Variants in DOCK1 observed in about 807,000 individuals in gnomAD.
DOCK1 encodes the protein dedicator of cytokinesis protein 1.
A neutral mutation model predicts 262.7 loss-of-function variants in DOCK1; 138 were observed. That is an observed-to-expected ratio of 0.53 (90% confidence interval 0.46 to 0.61). The LOEUF is 0.61. DOCK1 is among the 20% of genes least tolerant of loss of function. The probability of loss-of-function intolerance (pLI) is 0.00; values close to 1 mark genes in which losing one functional copy is unlikely to be tolerated. For missense variants in DOCK1, 1,908 were observed against 2,370.7 expected (o/e 0.80, Z 4.05); for synonymous variants, 866 against 867.4 (o/e 1.00, Z 0.03).
chr10:127,339,652 CGCGCGCAT>C (rs2063342123), intron 30 of DOCK1, among the ~76,000 whole-genome samples: 1 of 137,762 alleles, frequency 7.3e-6, no homozygotes, highest in African/African-American at 2.9e-5. Flanking sequence ...TGTGTGTGCG[CGCGCGCAT>C]GCATGCTGTA....
chr10:127,172,841 C>A (rs2054704421), intron 27 of DOCK1, among the ~76,000 whole-genome samples: 1 of 152,286 alleles, frequency 6.6e-6, no homozygotes, highest in East Asian at 1.9e-4. Flanking sequence ...TTCTGGGATA[C>A]CGGAGTGAAT....
intron 29 of DOCK1, among the ~76,000 whole-genome samples, chr10:127,283,864 A>T (rs1032360059): frequency 1.3e-5 from 2 of 152,190 alleles, no homozygotes; most frequent in African/African-American, 4.8e-5. Flanking sequence ...TATGGTTTCT[A>T]TATTTTGCAT....
intron 27 of DOCK1, among the ~76,000 whole-genome samples, chr10:127,233,167 A>G (rs750794849): frequency 9.2e-5 from 14 of 152,198 alleles, no homozygotes; most frequent in Non-Finnish European, 2.1e-4. Flanking sequence ...ATCTCTATAA[A>G]CCAATGTTTT....
At chr10:127,094,057 C>T (rs560934252) in intron 23 of DOCK1, among the ~76,000 whole-genome samples, 1 of 152,154 alleles carries the variant, frequency 6.6e-6, no homozygotes, top group South Asian at 2.1e-4. Flanking sequence ...AAGTTCCTAC[C>T]TCTTTGCCTG....
rs2035791724 is a variant in DOCK1, at chr10:126,948,418, G to T, written c.47-22284G>T. Among the ~76,000 whole-genome samples the T allele has an allele frequency of 1.5e-5, 2 of 129,134 alleles. 1 individual carries two copies. Among genetic ancestry groups the T allele is most frequent in the Non-Finnish European group, 3.4e-5 (2 of 58,192 alleles). The allele number at this position is 129,134 out of a possible 152,430, so 84.7% of individuals were successfully genotyped here. On this transcript the variant is annotated intron_variant, in intron 1 of 51. Transcript: ENST00000623213. ...GGTTGGTAGTATTACTGTTGGTGGT[G>T]ATGGTGGTGGTGGTGGTAATACTGC...
intron 29 of DOCK1, among the ~76,000 whole-genome samples, chr10:127,264,006 C>T (rs1024180496): frequency 3.3e-5 from 5 of 152,190 alleles, no homozygotes; most frequent in African/African-American, 1.2e-4. Context: ...TTCTTATTAA[C>T]TGCTTTACTT....
At chr10:127,416,986 G>T (rs2068196172) in intron 44 of DOCK1, among the ~76,000 whole-genome samples, 1 of 152,162 alleles carries the variant, frequency 6.6e-6, no homozygotes, top group Admixed American at 6.5e-5. Flanking sequence ...ACATCAGTGG[G>T]CAGACAACCT....
At chr10:127,089,110 C>G (rs1564794301) in intron 23 of DOCK1, among the ~76,000 whole-genome samples, 1 of 152,220 alleles carries the variant, frequency 6.6e-6, no homozygotes, top group Admixed American at 6.5e-5. Context: ...CACCTCGGCT[C>G]TGCCATCCTT....
intron 31 of DOCK1, chr10:127,344,061 T>C (rs1813200633): frequency 7.9e-6 from 2 of 252,034 alleles, no homozygotes; most frequent in Non-Finnish European, 1.5e-5. Flanking sequence ...GTTGACTTTA[T>C]TGCTTAATTC....
rs893824749 is a variant in DOCK1, at chr10:127,451,931, C to T, written c.*504C>T. 5 of 158,614 alleles carry T rather than the reference C, an allele frequency of 3.2e-5. No individual in the cohort carries two copies. Among genetic ancestry groups the T allele is most frequent in the African/African-American group, 1.2e-4 (5 of 41,580 alleles). The allele number at this position is 158,614 out of a possible 1,614,324, so 9.8% of individuals were successfully genotyped here. A position where few individuals can be genotyped will look rare whatever the true frequency, so the allele number is the denominator to read the frequency against. ...TTGGTTGAGGTGTGTCTCCAACCTA[C>T]ATCAGACCATGAAGTTCAACCCCTC... On this transcript the variant is annotated 3_prime_UTR_variant, in exon 52 of 52. Coordinates refer to ENST00000623213, the MANE Select transcript of DOCK1 (RefSeq NM_001290223.2).
At chr10:127,130,271 A>T (rs1770387) in intron 27 of DOCK1, among the ~76,000 whole-genome samples, 2 of 151,234 alleles carry the variant, frequency 1.3e-5, no homozygotes, top group Admixed American at 1.3e-4. Flanking sequence ...TTTTTAGTAC[A>T]GTTGGGGTTT....
intron 29 of DOCK1, among the ~76,000 whole-genome samples, chr10:127,259,143 C>T (rs1326257488): frequency 9.9e-5 from 15 of 152,280 alleles, no homozygotes; most frequent in Non-Finnish European, 1.0e-4. Flanking sequence ...GAGGAAGCCC[C>T]GGAGACCCTG....
At chr10:127,404,472 C>G in intron 40 of DOCK1, 43 bp downstream of exon 40, 2 of 1,574,820 alleles carry the variant, frequency 1.3e-6, no homozygotes, top group East Asian at 4.5e-5. Context: ...ATTGTTCCCC[C>G]AGCAGAAAAT....
At chr10:127,074,739 AGTC>A (rs2046415702) in intron 23 of DOCK1, among the ~76,000 whole-genome samples, 2 of 152,254 alleles carry the variant, frequency 1.3e-5, no homozygotes, top group Non-Finnish European at 2.9e-5. Flanking sequence ...AAAGAACAGT[AGTC>A]CTCATTTGAT....
intron 13 of DOCK1, 98 bp from the exon 14 acceptor site, chr10:127,023,102 G>T: frequency 7.5e-7 from 1 of 1,330,086 alleles, no homozygotes; most frequent in Non-Finnish European, 1.0e-6. Context: ...ATATGTATTT[G>T]TAATAATCTA....
intron 18 of DOCK1, among the ~76,000 whole-genome samples, chr10:127,032,832 C>T (rs1180234567): frequency 6.6e-6 from 1 of 152,216 alleles, no homozygotes; most frequent in Non-Finnish European, 1.5e-5. Context: ...GCTGGGATTA[C>T]AGGCACGAGC....
chr10:127,137,880 G>A (rs1177882722), intron 27 of DOCK1: 1 of 1,614,026 alleles, frequency 6.2e-7, no homozygotes, highest in Non-Finnish European at 8.5e-7. Flanking sequence ...TTTAGATTCA[G>A]TTTTGGATTT....
chr10:127,447,373 A>C, intron 50 of DOCK1, 21 bp from the exon 51 acceptor site: 1 of 1,607,016 alleles, frequency 6.2e-7, no homozygotes, highest in Non-Finnish European at 8.5e-7. Flanking sequence ...GGCTGATTTT[A>C]AATAGATCCC....
chr10:127,405,437 A>C (rs981964246), intron 40 of DOCK1, among the ~76,000 whole-genome samples: 1 of 136,644 alleles, frequency 7.3e-6, no homozygotes, highest in Non-Finnish European at 1.5e-5. Flanking sequence ...GATATTTCTT[A>C]TGACTTTTTT....
Sources: allele counts gnomAD v4.1 joint callset (sites outside exome capture counted in the v4.1 genomes callset), GRCh38; gene constraint gnomAD v4.1.1; transcripts MANE v1.5; gene names NCBI Gene and HGNC (gene_info 2026-07-23, HGNC 2026-07-21).